The following DLG2 variants were observed in gnomAD, a reference collection of about 807,000 sequenced individuals.
DLG2 encodes disks large homolog 2.
In DLG2, 45 loss-of-function variants were observed where a neutral mutation model predicts 132.5. The observed-to-expected ratio is 0.34, with a 90% CI of 0.27 to 0.44. The LOEUF (loss-of-function observed/expected upper bound fraction) is 0.44, where lower values mean the gene tolerates loss of function less well. Among genes scored for constraint, DLG2 ranks in the 20% least tolerant of loss-of-function variants. The probability of loss-of-function intolerance (pLI) is 1.00; values close to 1 mark genes in which losing one functional copy is unlikely to be tolerated. For synonymous variants in DLG2, 424 were observed against 419.6 expected (o/e 1.01, Z -0.13); for missense variants, 1,045 against 1,196.9 (o/e 0.87, Z 1.87).
chr11:85,607,990 C>T (rs2080711643), intron 2 of DLG2, among the ~76,000 whole-genome samples: 2 of 152,160 alleles, frequency 1.3e-5, no homozygotes, highest in African/African-American at 4.8e-5. Context: ...TCTCGGTCCT[C>T]TTTGTGGTCT....
chr11:84,094,072 T>A (rs1477841027), intron 10 of DLG2, among the ~76,000 whole-genome samples: 3 of 152,166 alleles, frequency 2.0e-5, no homozygotes, highest in Non-Finnish European at 4.4e-5. Context: ...AGTGGGTCTT[T>A]TAAGCGTCGT....
At chr11:84,404,236 T>A (rs1039372904) in intron 7 of DLG2, among the ~76,000 whole-genome samples, 1 of 152,160 alleles carries the variant, frequency 6.6e-6, no homozygotes, top group Admixed American at 6.5e-5. Context: ...CATGTATTCA[T>A]CTTTTAATAA....
rs775210747 is a variant in DLG2, at chr11:84,247,673, CTT to C, written c.573+3563_573+3564del. The stretch of plus-strand genomic sequence containing the variant: ...TTCATTAATGCAAGCTCTAATGTCT[CTT>C]AACTTACCTTCCTTAATAAAAAGAA... On this transcript the variant is annotated intron_variant, in intron 8 of 27. Coordinates refer to ENST00000376104, the MANE Select transcript of DLG2 (RefSeq NM_001142699.3). Among the ~76,000 whole-genome samples, 64 of 152,074 alleles carry C rather than the reference CTT, an allele frequency of 4.2e-4. 1 individual carries two copies. The highest frequency in any genetic ancestry group is 4.6e-4 in the Admixed American group (7 of 15,274).
At chr11:84,701,662 G>A (rs80138972) in intron 6 of DLG2, among the ~76,000 whole-genome samples, 4,334 of 151,610 alleles carry the variant, frequency 0.029, 200 homozygotes, top group African/African-American at 0.099. Context: ...AGTAAACTGA[G>A]TCCCTGAAAA....
At chr11:84,031,305 T>C (rs994319138) in intron 11 of DLG2, among the ~76,000 whole-genome samples, 9 of 152,040 alleles carry the variant, frequency 5.9e-5, no homozygotes, top group African/African-American at 2.2e-4. Flanking sequence ...CCCTTCTCTG[T>C]TGTAGATTTT....
At chr11:85,223,845 C>T (rs537797127) in intron 4 of DLG2, among the ~76,000 whole-genome samples, 1 of 152,176 alleles carries the variant, frequency 6.6e-6, no homozygotes, top group South Asian at 2.1e-4. Context: ...ACCAAATAAA[C>T]ATTCTAAGTA....
intron 6 of DLG2, among the ~76,000 whole-genome samples, chr11:84,543,190 G>T (rs1166106953): frequency 6.6e-6 from 1 of 152,188 alleles, no homozygotes; most frequent in East Asian, 1.9e-4. Context: ...CTGGAGCACA[G>T]TTTTATTTCT....
chr11:84,924,708 A>G (rs963749281), intron 6 of DLG2, among the ~76,000 whole-genome samples: 18 of 152,196 alleles, frequency 1.2e-4, no homozygotes, highest in African/African-American at 4.1e-4. Flanking sequence ...AGGAAGAAAA[A>G]GGCAGTCTTA....
chr11:83,785,159 G>C (rs1418934109), intron 18 of DLG2, among the ~76,000 whole-genome samples: 2 of 151,802 alleles, frequency 1.3e-5, no homozygotes, highest in Non-Finnish European at 2.9e-5. Context: ...GGTTCATGCC[G>C]TTCTCCTGCC....
chr11:84,992,215 A>G (rs192683730), intron 6 of DLG2, among the ~76,000 whole-genome samples: 7 of 152,250 alleles, frequency 4.6e-5, no homozygotes, highest in African/African-American at 1.4e-4. Context: ...AATTACTTCA[A>G]TATTTTTTAA....
chr11:83,532,933 A>G (rs2095792891), intron 20 of DLG2, 150 bp from the exon 21 acceptor site: 1 of 678,244 alleles, frequency 1.5e-6, no homozygotes. Flanking sequence ...CCATATAAAA[A>G]ATCTTGGTAC....
intron 6 of DLG2, among the ~76,000 whole-genome samples, chr11:85,004,806 T>C (rs944533405): frequency 6.6e-6 from 1 of 152,218 alleles, no homozygotes; most frequent in Non-Finnish European, 1.5e-5. Context: ...TGCCCATGCC[T>C]ATGTCCTGAA....
chr11:84,824,845 C>A (rs927434516), intron 6 of DLG2, among the ~76,000 whole-genome samples: 8 of 151,768 alleles, frequency 5.3e-5, no homozygotes, highest in Non-Finnish European at 8.8e-5. Context: ...GGCAACATAC[C>A]AGGGCTCTCT....
chr11:83,713,236 T>A (rs952754018), intron 18 of DLG2, among the ~76,000 whole-genome samples: 1 of 152,184 alleles, frequency 6.6e-6, no homozygotes, highest in African/African-American at 2.4e-5. Flanking sequence ...AACCTAGGCA[T>A]TCCAGCTCCA....
At chr11:84,842,971 CT>C (rs769163992) in intron 6 of DLG2, among the ~76,000 whole-genome samples, 2 of 151,848 alleles carry the variant, frequency 1.3e-5, no homozygotes, top group Non-Finnish European at 2.9e-5. Context: ...TACCAGTTAT[CT>C]TGACTTCATA....
intron 18 of DLG2, among the ~76,000 whole-genome samples, chr11:83,731,633 A>G (rs112656607): frequency 5.9e-5 from 9 of 152,298 alleles, no homozygotes; most frequent in African/African-American, 1.7e-4. Context: ...AATGATTTAT[A>G]TTCCTTTGGG....
intron 7 of DLG2, 83 bp downstream of exon 7, chr11:84,534,487 A>T: frequency 7.2e-7 from 1 of 1,396,572 alleles, no homozygotes; most frequent in Non-Finnish European, 1.0e-6. Context: ...AGCCTCATTT[A>T]ATCGGGCCAG....
At chr11:83,818,112 C>T (rs1163147756) in intron 17 of DLG2, among the ~76,000 whole-genome samples, 1 of 152,088 alleles carries the variant, frequency 6.6e-6, no homozygotes, top group Non-Finnish European at 1.5e-5. Flanking sequence ...TTCAGGTTGT[C>T]CTGAGTAACT....
chr11:85,023,754 G>C (rs920422147), intron 6 of DLG2, among the ~76,000 whole-genome samples: 1 of 151,964 alleles, frequency 6.6e-6, no homozygotes, highest in Admixed American at 6.6e-5. Context: ...TCATAGGATA[G>C]AGATATATTT....
Sources: allele counts gnomAD v4.1 joint callset (sites outside exome capture counted in the v4.1 genomes callset), GRCh38; gene constraint gnomAD v4.1.1; transcripts MANE v1.5; gene names NCBI Gene and HGNC (gene_info 2026-07-23, HGNC 2026-07-21).